Variants in RALYL observed in about 807,000 individuals in gnomAD.
RALYL encodes RNA-binding Raly-like protein.
RALYL carries 29 observed loss-of-function variants against 35.1 expected under a neutral mutation model. The ratio of observed to expected loss-of-function variants is 0.83; its 90% confidence interval spans 0.61 to 1.13. The LOEUF (loss-of-function observed/expected upper bound fraction) is 1.13, where lower values mean the gene tolerates loss of function less well. Among genes scored for constraint, RALYL ranks in the 50% most tolerant of loss-of-function variants. RALYL has a pLI of 0.00. For synonymous variants in RALYL, 120 were observed against 127.6 expected, an observed-to-expected ratio of 0.94 and a Z score of 0.40; for missense variants, 359 against 360.4, an observed-to-expected ratio of 1.00 and a Z score of 0.03.
rs1248680008 is a variant in RALYL at position 84,568,395 on chromosome 8, C to T, written c.256+38818C>T. ...GACATGAACTCATCATTATTTATGGCTGCATAGTATTCCATGGTGTGTATG... is the reference window on the plus strand; with the variant it reads ...GACATGAACTCATCATTATTTATGGTTGCATAGTATTCCATGGTGTGTATG... On this transcript the variant is annotated intron_variant, in intron 2 of 8. Coordinates refer to ENST00000521268, the MANE Select transcript of RALYL (RefSeq NM_173848.7). Among the ~76,000 whole-genome samples the T allele has an allele frequency of 2.0e-5, 3 of 151,746 alleles. No individual in the cohort carries two copies. The East Asian group carries it at 5.8e-4, about 29-fold the overall frequency.
At chr8:84,701,655 G>A (rs941748338) in intron 2 of RALYL, among the ~76,000 whole-genome samples, 2 of 152,142 alleles carry the variant, frequency 1.3e-5, no homozygotes, top group South Asian at 4.1e-4. Context: ...CAGGAAGAGA[G>A]GGGGTGAGGT....
intron 2 of RALYL, chr8:84,706,011 A>G (rs549945009): frequency 6.5e-7 from 1 of 1,535,174 alleles, no homozygotes; most frequent in East Asian, 2.4e-5. Flanking sequence ...TAGAAAGTCT[A>G]ATTTTTTTCA....
chr8:84,606,014 G>A (rs1817058320), intron 2 of RALYL, among the ~76,000 whole-genome samples: 1 of 151,656 alleles, frequency 6.6e-6, no homozygotes, highest in Non-Finnish European at 1.5e-5. Context: ...CATTCTGCGA[G>A]CCCCTGGGCC....
At chr8:84,420,115 C>T (rs1019770338) in intron 1 of RALYL, among the ~76,000 whole-genome samples, 4 of 151,588 alleles carry the variant, frequency 2.6e-5, no homozygotes, top group Admixed American at 6.6e-5. Context: ...CCTGAGGAAT[C>T]GCCACACTGA....
At chr8:84,756,295 C>T (rs953615706) in intron 2 of RALYL, among the ~76,000 whole-genome samples, 1 of 152,008 alleles carries the variant, frequency 6.6e-6, no homozygotes, top group African/African-American at 2.4e-5. Flanking sequence ...TTGAGGTAAG[C>T]AGATATAAAT....
rs891910859 is a variant in RALYL at position 84,860,601 on chromosome 8, C to G, written c.414-1695C>G. ...AGTGGTATGGATGATATTCATAACC[C>G]TTTTCAGCCTCATCCTGCCTGTGCT... On this transcript the variant is annotated intron_variant, in intron 5 of 8. Coordinates refer to ENST00000521268, the MANE Select transcript of RALYL (RefSeq NM_173848.7). Among the ~76,000 whole-genome samples, 16 of 152,172 alleles carry G rather than the reference C, an allele frequency of 1.1e-4. No homozygotes were observed. In the East Asian group the frequency reaches 3.1e-3, roughly 29 times the overall value.
Position 84,771,953 on chromosome 8 carries a change from T to C in RALYL, c.257-2626T>C, listed in dbSNP as rs574862729. ...CCCATATTCTTAGCTCAAAAAGATATTCTATTTTATTGCTTTCTAAACATT... is the reference window on the plus strand; with the variant it reads ...CCCATATTCTTAGCTCAAAAAGATACTCTATTTTATTGCTTTCTAAACATT... On this transcript the variant is annotated intron_variant, in intron 2 of 8. Transcript: ENST00000521268. Among the ~76,000 whole-genome samples, 6 of 152,256 alleles carry C rather than the reference T, an allele frequency of 3.9e-5. No individual in the cohort carries two copies. The South Asian group carries it at 1.2e-3, about 32-fold the overall frequency.
intron 4 of RALYL, among the ~76,000 whole-genome samples, chr8:84,808,310 T>C (rs1825134225): frequency 6.6e-6 from 1 of 152,178 alleles, no homozygotes; most frequent in Non-Finnish European, 1.5e-5. Flanking sequence ...ATCATTTGGC[T>C]GTTAAGTATT....
intron 6 of RALYL, among the ~76,000 whole-genome samples, chr8:84,868,942 G>A (rs1230769625): frequency 6.6e-6 from 1 of 151,940 alleles, no homozygotes; most frequent in Non-Finnish European, 1.5e-5. Context: ...ATTGTATTAT[G>A]TATTATGTTA....
At chr8:84,563,654 C>G (rs2061600453) in intron 2 of RALYL, among the ~76,000 whole-genome samples, 1 of 151,486 alleles carries the variant, frequency 6.6e-6, no homozygotes, top group Non-Finnish European at 1.5e-5. Flanking sequence ...GGAAATTGCT[C>G]CACTAGAAAT....
At chr8:84,452,708 G>C (rs765233739) in intron 1 of RALYL, among the ~76,000 whole-genome samples, 40 of 152,046 alleles carry the variant, frequency 2.6e-4, no homozygotes, top group Middle Eastern at 3.4e-3. Context: ...GCATTGTTCA[G>C]TGAACATTGT....
intron 1 of RALYL, among the ~76,000 whole-genome samples, chr8:84,277,716 G>T (rs1835698192): frequency 6.6e-6 from 1 of 152,326 alleles, no homozygotes; most frequent in African/African-American, 2.4e-5. Context: ...GGGATTACAG[G>T]CCTCATGCCA....
At chr8:84,301,703 T>C (rs186798015) in intron 1 of RALYL, among the ~76,000 whole-genome samples, 209 of 152,282 alleles carry the variant, frequency 1.4e-3, no homozygotes, top group African/African-American at 4.6e-3. Context: ...GGGCTCTAGT[T>C]ATCTTATAAA....
At chr8:84,888,117 T>A (rs1366860530) in intron 8 of RALYL, among the ~76,000 whole-genome samples, 1 of 152,236 alleles carries the variant, frequency 6.6e-6, no homozygotes, top group Non-Finnish European at 1.5e-5. Flanking sequence ...TATAATATCC[T>A]GGTAACAAAC....
intron 2 of RALYL, among the ~76,000 whole-genome samples, chr8:84,614,187 C>T (rs1818924454): frequency 6.6e-6 from 1 of 151,674 alleles, no homozygotes; most frequent in Non-Finnish European, 1.5e-5. Flanking sequence ...AGTAAGAACT[C>T]AGTAAGCCTT....
chr8:84,333,866 T>G (rs535402068), intron 1 of RALYL, among the ~76,000 whole-genome samples: 85 of 152,134 alleles, frequency 5.6e-4, no homozygotes, highest in Non-Finnish European at 9.3e-4. Flanking sequence ...GGGGGCAGCT[T>G]GAAAGAGTCT....
chr8:84,907,303 T>C (rs1846656222), intron 8 of RALYL, among the ~76,000 whole-genome samples: 1 of 77,482 alleles, frequency 1.3e-5, no homozygotes, highest in Admixed American at 2.0e-4. Context: ...GAAAATAAGA[T>C]ATAGCGTCAC....
chr8:84,316,499 T>G (rs958733178), intron 1 of RALYL, among the ~76,000 whole-genome samples: 1 of 152,168 alleles, frequency 6.6e-6, no homozygotes, highest in African/African-American at 2.4e-5. Context: ...GGTACTTTTC[T>G]TTGTTGTTAC....
chr8:84,750,442 C>T (rs1483375361), intron 2 of RALYL, among the ~76,000 whole-genome samples: 1 of 152,092 alleles, frequency 6.6e-6, no homozygotes, highest in African/African-American at 2.4e-5. Context: ...TGGCCTCTGG[C>T]TCCTGGTTGA....
Sources: gnomAD v4.1 joint callset for allele counts (sites outside exome capture counted in the v4.1 genomes callset) on GRCh38, gnomAD v4.1.1 for gene constraint, MANE v1.5 for transcripts, NCBI Gene and HGNC (gene_info 2026-07-23, HGNC 2026-07-21) for gene names.